Variants in BMP3 observed in about 807,000 individuals in gnomAD.
BMP3 encodes the protein bone morphogenetic protein 3 (osteogenic).
BMP3 carries 23 observed loss-of-function variants against 38.1 expected under a neutral mutation model. The observed-to-expected ratio is 0.60, with a 90% CI of 0.43 to 0.86. The LOEUF (loss-of-function observed/expected upper bound fraction) is 0.86. Ranked by LOEUF, BMP3 falls within the 40% of genes least tolerant of loss-of-function variation. BMP3 has a pLI of 0.00. For missense variants in BMP3, 628 were observed against 579.6 expected (o/e 1.08, Z -0.86); for synonymous variants, 258 against 225.7 (o/e 1.14, Z -1.28).
At chr4:81,034,679 A>T (rs1462874616) in intron 1 of BMP3, among the ~76,000 whole-genome samples, 1 of 152,180 alleles carries the variant, frequency 6.6e-6, no homozygotes, top group Non-Finnish European at 1.5e-5. Context: ...AAAATCTCAC[A>T]TACTTCATAG....
intron 2 of BMP3, among the ~76,000 whole-genome samples, chr4:81,052,773 A>G (rs1275317454): frequency 6.6e-6 from 1 of 151,890 alleles, no homozygotes; most frequent in Non-Finnish European, 1.5e-5. Flanking sequence ...ATTAAATTAA[A>G]TAAATCAATA....
chr4:81,046,718 G>GTCAA, intron 2 of BMP3, 70 bp downstream of exon 2: 1 of 1,496,306 alleles, frequency 6.7e-7, no homozygotes, highest in Non-Finnish European at 9.0e-7. Context: ...GACTAAGTTA[G>GTCAA]TGTGCATATA....
rs370097482 is a variant in BMP3, at chr4:81,046,367, G to A, written c.946G>A (p.Glu316Lys). ...CCAGTATAAAAAGGATGAGGTGTGG[G>A]AGGAGAGAAAGCCTTACAAGACCCT... is the stretch of plus-strand genomic sequence containing the variant. ...EYQYKKDEVWEERKPYKTLQA... is the reference protein window; with the variant it reads ...EYQYKKDEVWKERKPYKTLQA... The change falls in exon 2 of 3, where the codon GAG (glutamate) becomes AAG (lysine). Residue 316 changes from glutamate (E) to lysine (K), a missense_variant. Physicochemically the swap from Glu to Lys is moderately conservative, Grantham distance 56. Coordinates refer to ENST00000282701, the MANE Select transcript of BMP3 (RefSeq NM_001201.5). 4.8e-5 allele frequency: 78 copies of A among 1,613,892 alleles called. No individual in the cohort carries two copies. The highest frequency in any genetic ancestry group is 6.4e-5 in the Non-Finnish European group (75 of 1,180,040).
At chr4:81,039,246 G>C (rs1467919030) in intron 1 of BMP3, among the ~76,000 whole-genome samples, 1 of 152,180 alleles carries the variant, frequency 6.6e-6, no homozygotes, top group African/African-American at 2.4e-5. Context: ...TTTGAAGAAA[G>C]AAGTTGGGGC....
chr4:81,046,522 T>C lies in BMP3; in HGVS notation c.1101T>C (p.Pro367=), dbSNP rs748296805. 6.2e-7 allele frequency: 1 copy of C among 1,614,062 alleles called. No homozygotes were observed. Among genetic ancestry groups the C allele is most frequent in the Non-Finnish European group, 8.5e-7 (1 of 1,179,992 alleles). ...KKARRKQWIE[P]RNCARRYLKV... ...CAAGGAGAAAGCAGTGGATTGAACC[T>C]CGGAATTGCGCCAGGAGATACCTCA... The change falls in exon 2 of 3, where the codon CCT becomes CCC. Residue 367 remains proline, a synonymous_variant. Transcript: ENST00000282701.
intron 1 of BMP3, among the ~76,000 whole-genome samples, chr4:81,034,870 T>C (rs1357431888): frequency 6.6e-6 from 1 of 152,086 alleles, no homozygotes; most frequent in Non-Finnish European, 1.5e-5. Flanking sequence ...TATAACTAAG[T>C]GTTGAATGAT....
Position 81,045,860 on chromosome 4 carries a change from C to T in BMP3, c.439C>T (p.Pro147Ser). 6.2e-7 allele frequency: 1 copy of T among 1,614,098 alleles called. No individual in the cohort carries two copies. ...GCTAGGAAACATCAGCCTGAGTTGT[C>T]CAGTGTCTGGAGGATGCTCCCATCA... ...GELGNISLSCPVSGGCSHHAQ... is the reference protein window; with the variant it reads ...GELGNISLSCSVSGGCSHHAQ... The change falls in exon 2 of 3, where the codon CCA (proline) becomes TCA (serine). Residue 147 changes from proline to serine, a missense_variant. Transcript: ENST00000282701.
At chr4:81,041,081 G>A (rs1264065285) in intron 1 of BMP3, among the ~76,000 whole-genome samples, 1 of 152,150 alleles carries the variant, frequency 6.6e-6, no homozygotes, top group Non-Finnish European at 1.5e-5. Context: ...GAGAGACAAT[G>A]CAAATCTTCT....
chr4:81,031,220 T>C lies in BMP3; in HGVS notation c.-65T>C. ...TTCAACCCTCGGCTCCGCCGCCGGCTCCTTGCGCCTTCGGAGTGTCCCGCA... is the reference window on the plus strand; with the variant it reads ...TTCAACCCTCGGCTCCGCCGCCGGCCCCTTGCGCCTTCGGAGTGTCCCGCA... On this transcript the variant is annotated 5_prime_UTR_variant, in exon 1 of 3. Coordinates refer to ENST00000282701, the MANE Select transcript of BMP3 (RefSeq NM_001201.5). The C allele has an allele frequency of 1.4e-6, 2 of 1,457,188 alleles. No homozygotes were observed. Among genetic ancestry groups the C allele is most frequent in the Non-Finnish European group, 9.1e-7 (1 of 1,099,244 alleles). The allele number at this position is 1,457,188 out of a possible 1,614,324, so 90.3% of individuals were successfully genotyped here.
rs1366127187 is a variant in BMP3 at position 81,046,090 on chromosome 4, C to T, written c.669C>T (p.Ser223=). 5.6e-6 allele frequency: 9 copies of T among 1,614,134 alleles called. No individual in the cohort carries two copies. The highest frequency in any genetic ancestry group is 4.5e-5 in the East Asian group (2 of 44,886). The change falls in exon 2 of 3, where the codon TCC becomes TCT. Residue 223 remains serine, a synonymous_variant. Coordinates refer to ENST00000282701, the MANE Select transcript of BMP3 (RefSeq NM_001201.5). ...TCCTCATAGGATTTAACATTACGTC[C>T]AAGGGACGCCAGCTGCCAAAGAGGA... ...EEFLIGFNIT[S]KGRQLPKRRL... is the part of the protein sequence containing the mutation.
At chr4:81,045,698 T>C in intron 1 of BMP3, 40 bp from the exon 2 acceptor site, 2 of 1,459,542 alleles carry the variant, frequency 1.4e-6, no homozygotes, top group South Asian at 1.4e-5. Flanking sequence ...AGTAATGGTC[T>C]TGTTTTCTCC....
rs2109914575 is a variant in BMP3 at position 81,053,659 on chromosome 4, A to G, written c.*123A>G. ...CATTTTGTTTCAAAAGATTATTTCTATAGTCAGAGGGGAATGAGCAAATAG... is the reference window on the plus strand; with the variant it reads ...CATTTTGTTTCAAAAGATTATTTCTGTAGTCAGAGGGGAATGAGCAAATAG... On this transcript the variant is annotated 3_prime_UTR_variant, in exon 3 of 3. Transcript: ENST00000282701. The G allele has an allele frequency of 1.8e-6, 1 of 550,272 alleles. No homozygotes were observed. Among genetic ancestry groups the G allele is most frequent in the Non-Finnish European group, 2.7e-6 (1 of 375,640 alleles). 34.1% of individuals were successfully genotyped at this position (550,272 alleles called of 1,614,324 possible). A position where few individuals can be genotyped will look rare whatever the true frequency, so the allele number is the denominator to read the frequency against.
At chr4:81,038,140 C>T (rs1739971608) in intron 1 of BMP3, among the ~76,000 whole-genome samples, 1 of 152,064 alleles carries the variant, frequency 6.6e-6, no homozygotes, top group Admixed American at 6.6e-5. Context: ...TATCCATAAA[C>T]AAATGGTTTA....
intron 2 of BMP3, among the ~76,000 whole-genome samples, chr4:81,051,988 A>G (rs1201615401): frequency 2.0e-5 from 3 of 152,010 alleles, no homozygotes; most frequent in Non-Finnish European, 4.4e-5. Context: ...TCTGCCAAAA[A>G]TAATCCTTTT....
intron 1 of BMP3, among the ~76,000 whole-genome samples, chr4:81,043,836 G>T (rs1740159431): frequency 6.6e-6 from 1 of 152,052 alleles, no homozygotes. Context: ...TGATCCACCT[G>T]CCTTGGCCTC....
At chr4:81,031,622 C>A (rs1739773836) in intron 1 of BMP3, 22 bp downstream of exon 1, 2 of 1,545,558 alleles carry the variant, frequency 1.3e-6, no homozygotes, top group Non-Finnish European at 8.7e-7. Flanking sequence ...AGGTGAGACT[C>A]CCTTCCCGCG....
In BMP3 at chr4:81,031,816, G is replaced by T. The variant is rs1739779011; in HGVS notation, c.316+216G>T. Among the ~76,000 whole-genome samples the T allele has an allele frequency of 2.6e-5, 4 of 152,152 alleles. No homozygotes were observed. In the South Asian group the frequency reaches 8.3e-4, roughly 31 times the overall value. ...CCAGTTTTCAAATCCAAAGTGAGAGGGGGAAATAGAATGAAGGCGCGGAGC... is the reference window on the plus strand; with the variant it reads ...CCAGTTTTCAAATCCAAAGTGAGAGTGGGAAATAGAATGAAGGCGCGGAGC... On this transcript the variant is annotated intron_variant, in intron 1 of 2. Coordinates refer to ENST00000282701, the MANE Select transcript of BMP3 (RefSeq NM_001201.5).
At chr4:81,031,998 T>C (rs1239606746) in intron 1 of BMP3, among the ~76,000 whole-genome samples, 1 of 152,014 alleles carries the variant, frequency 6.6e-6, no homozygotes, top group African/African-American at 2.4e-5. Flanking sequence ...GACTGGGCTT[T>C]AGCCATGTTT....
intron 2 of BMP3, among the ~76,000 whole-genome samples, chr4:81,049,113 A>C (rs1240960140): frequency 1.3e-5 from 2 of 152,218 alleles, no homozygotes; most frequent in African/African-American, 4.8e-5. Context: ...TGGAAAAATG[A>C]GACAGTAGAG....
Sources: gnomAD v4.1 joint callset for allele counts (sites outside exome capture counted in the v4.1 genomes callset) on GRCh38, gnomAD v4.1.1 for gene constraint, MANE v1.5 for transcripts, NCBI Gene and HGNC (gene_info 2026-07-23, HGNC 2026-07-21) for gene names.